Variants in PCDHGA10 observed in about 807,000 individuals in gnomAD.
PCDHGA10 encodes the protein protocadherin gamma-A10.
Under a neutral mutation model 59.5 loss-of-function variants are expected in PCDHGA10, and 42 were observed. The ratio of observed to expected loss-of-function variants is 0.71; its 90% CI spans 0.55 to 0.91. The LOEUF (loss-of-function observed/expected upper bound fraction) is 0.91. PCDHGA10 is among the 40% of genes least tolerant of loss of function. PCDHGA10 has a pLI of 0.00. For synonymous variants in PCDHGA10, 511 were observed against 517.2 expected (o/e 0.99, Z 0.16); for missense variants, 1,111 against 1,198.2 (o/e 0.93, Z 1.07).
In PCDHGA10 at chr5:141,486,110, G is replaced by A. The variant is rs780031943; in HGVS notation, c.2437-8697G>A. 1.2e-6 allele frequency: 2 copies of A among 1,614,162 alleles called. No individual in the cohort carries two copies. Among genetic ancestry groups the A allele is most frequent in the South Asian group, 1.1e-5 (1 of 91,078 alleles). On this transcript the variant is annotated intron_variant, in intron 1 of 3. Transcript: ENST00000398610. This position sits in a 1 kb window ranked among gnomAD's most constrained non-coding sequence, Gnocchi z 5.0. ...TTTGGGGCCCCTAGACTTTGAGAGT[G>A]AGAATTACTATGAATTTGATGTGCG...
chr5:141,496,747 A>T (rs13188028), intron 2 of PCDHGA10, among the ~76,000 whole-genome samples: 1 of 152,124 alleles, frequency 6.6e-6, no homozygotes, highest in Non-Finnish European at 1.5e-5. Context: ...CATTTATTCA[A>T]CAAATATTTA....
chr5:141,415,736 T>G, intron 1 of PCDHGA10, 125 bp downstream of exon 1: 1 of 1,289,978 alleles, frequency 7.8e-7, no homozygotes, highest in South Asian at 1.8e-5. Context: ...TGATGTTTAT[T>G]AAGGTTTTTT....
Position 141,476,085 on chromosome 5 carries a change from G to C in PCDHGA10, c.2437-18722G>C, listed in dbSNP as rs1163057402. On this transcript the variant is annotated intron_variant, in intron 1 of 3. Coordinates refer to ENST00000398610, the MANE Select transcript of PCDHGA10 (RefSeq NM_018913.3). This position sits in a 1 kb window ranked among gnomAD's most constrained non-coding sequence, Gnocchi z 7.6. ...TCAGCGAAATCTCAGGGACGATCTG[G>C]ACCCCGCTGAGAGGAACTGCTTTTG... 1.3e-6 allele frequency: 2 copies of C among 1,551,682 alleles called. No individual in the cohort carries two copies. Among genetic ancestry groups the C allele is most frequent in the East Asian group, 2.3e-5 (1 of 44,392 alleles).
Position 141,487,945 on chromosome 5 carries a change from G to A in PCDHGA10, c.2437-6862G>A, listed in dbSNP as rs2099669554. ...CAGTGCACAGGGTACAGTGCACCAG[G>A]CAGTCACTTGGACAAAGGTGGCTGT... On this transcript the variant is annotated intron_variant, in intron 1 of 3. Transcript: ENST00000398610. This position sits in a 1 kb window ranked among gnomAD's most constrained non-coding sequence, Gnocchi z 5.0. Among the ~76,000 whole-genome samples the A allele has an allele frequency of 6.6e-6, 1 of 152,198 alleles. No individual in the cohort carries two copies. Among genetic ancestry groups the A allele is most frequent in the Non-Finnish European group, 1.5e-5 (1 of 68,036 alleles).
intron 1 of PCDHGA10, among the ~76,000 whole-genome samples, chr5:141,442,910 C>G (rs1419319938): frequency 6.6e-6 from 1 of 152,196 alleles, no homozygotes; most frequent in African/African-American, 2.4e-5. Flanking sequence ...TCCTTCAGCA[C>G]ACAACTGTTT....
rs187307897 is a variant in PCDHGA10 at position 141,505,900 on chromosome 5, A to G, written c.2584+419A>G. 2.6e-4 allele frequency among the ~76,000 whole-genome samples: 39 copies of G among 152,296 alleles called. 1 individual carries two copies. In the East Asian group the frequency reaches 6.8e-3, roughly 26 times the overall value. ...TGTAGAGATTAAATGAGATGATACCACAAAGCATAGAGTTCTGGGCCTGGC... is the reference window on the plus strand; with the variant it reads ...TGTAGAGATTAAATGAGATGATACCGCAAAGCATAGAGTTCTGGGCCTGGC... On this transcript the variant is annotated intron_variant, in intron 3 of 3. Transcript: ENST00000398610.
chr5:141,413,391 C>T lies in PCDHGA10; in HGVS notation c.216C>T (p.Ser72=), dbSNP rs375582894. ...ELAERGVRIV[S]RGRTQLFSLN... is the part of the protein sequence containing the mutation. ...CGGAGCGCGGAGTCCGCATAGTCTC[C>T]AGAGGTAGGACGCAGCTTTTCTCTC... Residue 72 remains serine, a synonymous_variant, in exon 1 of 4, where the codon TCC becomes TCT. Transcript: ENST00000398610. The T allele has an allele frequency of 1.2e-5, 19 of 1,613,902 alleles. No homozygotes were observed. In the African/African-American group the frequency reaches 2.4e-4, roughly 20 times the overall value.
intron 1 of PCDHGA10, chr5:141,417,501 A>T: frequency 4.4e-6 from 1 of 227,168 alleles, no homozygotes. Flanking sequence ...GAGGAAAAAG[A>T]TTAAAATATT....
chr5:141,433,168 T>A, intron 1 of PCDHGA10: 6 of 1,613,438 alleles, frequency 3.7e-6, no homozygotes, highest in Non-Finnish European at 3.4e-6. Context: ...CTAAAGACAG[T>A]CATGGGTTAA....
At chr5:141,449,920 A>G (rs1287640011) in intron 1 of PCDHGA10, among the ~76,000 whole-genome samples, 1 of 151,842 alleles carries the variant, frequency 6.6e-6, no homozygotes, top group East Asian at 1.9e-4. Context: ...TTTAAATTCT[A>G]CCATACCTTA....
intron 1 of PCDHGA10, chr5:141,426,795 C>G (rs1214340018): frequency 2.2e-6 from 1 of 456,700 alleles, no homozygotes. Context: ...GAGTTACCAG[C>G]TCAGTTCTAA....
rs768767029 is a variant in PCDHGA10, at chr5:141,477,838, G to A, written c.2437-16969G>A. The A allele has an allele frequency of 6.2e-7, 1 of 1,612,892 alleles. No individual in the cohort carries two copies. The highest frequency in any genetic ancestry group is 1.1e-5 in the South Asian group (1 of 90,982). ...AGGTCCTATATCCTCGGCCAGGTGG[G>A]AGCTCGGTGGAGATGCTGCCTCGAG... On this transcript the variant is annotated intron_variant, in intron 1 of 3. Transcript: ENST00000398610. This position sits in a 1 kb window ranked among gnomAD's most constrained non-coding sequence, Gnocchi z 4.9.
chr5:141,426,310 A>G, intron 1 of PCDHGA10: 1 of 173,588 alleles, frequency 5.8e-6, no homozygotes. Context: ...GAAGCAGAGA[A>G]GCAGGACCCG....
In PCDHGA10 at chr5:141,477,787, C is replaced by A; in HGVS notation, c.2437-17020C>A. The stretch of plus-strand genomic sequence containing the variant: ...CCAACATCAGCGTGAACATATTTGT[C>A]ACTGATCGCAATGACAATGCCCCCC... On this transcript the variant is annotated intron_variant, in intron 1 of 3. Transcript: ENST00000398610. The surrounding 1 kb of genome is among the most constrained non-coding windows in gnomAD (Gnocchi z 4.9). The A allele has an allele frequency of 6.2e-7, 1 of 1,614,092 alleles. No homozygotes were observed. The highest frequency in any genetic ancestry group is 8.5e-7 in the Non-Finnish European group (1 of 1,180,034).
At chr5:141,433,212 T>C (rs747556366) in intron 1 of PCDHGA10, 75 of 1,570,956 alleles carry the variant, frequency 4.8e-5, no homozygotes, top group Non-Finnish European at 6.2e-5. Flanking sequence ...TTCTTTCTTT[T>C]TTTTTTTTAA....
Position 141,477,665 on chromosome 5 carries a change from G to T in PCDHGA10, c.2437-17142G>T, listed in dbSNP as rs753814499. ...CTATTTCACAATAAATCGTGACAAT[G>T]GCATAGTGTCATCCTTAGTGCCCCT... is the stretch of plus-strand genomic sequence containing the variant. On this transcript the variant is annotated intron_variant, in intron 1 of 3. Coordinates refer to ENST00000398610, the MANE Select transcript of PCDHGA10 (RefSeq NM_018913.3). The surrounding 1 kb of genome is among the most constrained non-coding windows in gnomAD (Gnocchi z 4.9). 6.2e-7 allele frequency: 1 copy of T among 1,614,182 alleles called. No individual in the cohort carries two copies. The highest frequency in any genetic ancestry group is 8.5e-7 in the Non-Finnish European group (1 of 1,180,038).
Position 141,431,601 on chromosome 5 carries a change from T to G in PCDHGA10, c.2436+15990T>G. 1 of 1,614,202 alleles carries G rather than the reference T, an allele frequency of 6.2e-7. No homozygotes were observed. Among genetic ancestry groups the G allele is most frequent in the Non-Finnish European group, 8.5e-7 (1 of 1,180,032 alleles). On this transcript the variant is annotated intron_variant, in intron 1 of 3. Transcript: ENST00000398610. The surrounding 1 kb of genome is among the most constrained non-coding windows in gnomAD (Gnocchi z 4.8). Reference sequence around the variant, plus strand: ...GTCAATGCGGAAGTGAGGTATTCCTTCCGGTATGTGGACGACAAGGCGGCC... The same window carrying G: ...GTCAATGCGGAAGTGAGGTATTCCTGCCGGTATGTGGACGACAAGGCGGCC...
At chr5:141,500,185 TTTA>T (rs549090582) in intron 2 of PCDHGA10, among the ~76,000 whole-genome samples, 1 of 55,104 alleles carries the variant, frequency 1.8e-5, no homozygotes, top group Non-Finnish European at 3.2e-5. Flanking sequence ...CATTTTTATT[TTTA>T]TTTATTTATT....
chr5:141,433,042 G>C (rs752612411), intron 1 of PCDHGA10: 6 of 1,614,142 alleles, frequency 3.7e-6, no homozygotes, highest in Non-Finnish European at 5.1e-6. Flanking sequence ...CCCTCACCAC[G>C]GACTCGCGGA....
Sources: allele counts gnomAD v4.1 joint callset (sites outside exome capture counted in the v4.1 genomes callset), GRCh38; gene constraint gnomAD v4.1.1; non-coding constraint Gnocchi (gnomAD v3.1); transcripts MANE v1.5; gene names NCBI Gene and HGNC (gene_info 2026-07-23, HGNC 2026-07-21).